The following MTRF1 variants were observed in gnomAD, a reference collection of about 807,000 sequenced individuals.
MTRF1 encodes peptide chain release factor 1, mitochondrial.
Under a neutral mutation model 62.9 loss-of-function variants are expected in MTRF1, and 51 were observed. The ratio of observed to expected loss-of-function variants is 0.81; its 90% confidence interval spans 0.65 to 1.02. MTRF1 has a LOEUF of 1.02. Ranked by LOEUF, MTRF1 falls within the 50% of genes least tolerant of loss-of-function variation. MTRF1 has a pLI of 0.00. For synonymous variants in MTRF1, 158 were observed against 181.9 expected (o/e 0.87, Z 1.06); for missense variants, 446 against 530.0 (o/e 0.84, Z 1.56).
At chr13:41,284,583 T>C in the MTRF1 span, among the ~76,000 whole-genome samples, 2 of 151,260 alleles carry the variant, frequency 1.3e-5, no homozygotes, top group Non-Finnish European at 2.9e-5. Flanking sequence ...TCTGATAATC[T>C]ACAGGATACA....
chr13:41,260,984 AG>A (rs2040388174), intron 1 of MTRF1, 69 bp from the exon 2 acceptor site: 1 of 1,350,088 alleles, frequency 7.4e-7, no homozygotes, highest in South Asian at 1.5e-5. Context: ...TAAACCTGGA[AG>A]GAACATCAAG....
At chr13:41,223,049 AG>A (rs1350323000) in intron 9 of MTRF1, among the ~76,000 whole-genome samples, 1 of 152,226 alleles carries the variant, frequency 6.6e-6, no homozygotes, top group African/African-American at 2.4e-5. Context: ...AATTTAGAAA[AG>A]ACCATTGTTT....
chr13:41,283,772 G>A, the MTRF1 span, among the ~76,000 whole-genome samples: 1 of 151,164 alleles, frequency 6.6e-6, no homozygotes, highest in South Asian at 2.1e-4. Flanking sequence ...TGTATTTTTA[G>A]TAGAGACGGG....
chr13:41,300,027 C>G, the MTRF1 span, among the ~76,000 whole-genome samples: 7 of 152,254 alleles, frequency 4.6e-5, no homozygotes, highest in South Asian at 1.5e-3. Context: ...TTCCAGAGAT[C>G]GTTGTTGACT....
At chr13:41,259,715 A>AC (rs1555268034) in intron 2 of MTRF1, among the ~76,000 whole-genome samples, 2 of 150,378 alleles carry the variant, frequency 1.3e-5, no homozygotes, top group Non-Finnish European at 3.0e-5. Context: ...AAAAAAAAAA[A>AC]AAAAAACATA....
At chr13:41,252,619 A>C (rs1391321640) in intron 5 of MTRF1, 26 bp downstream of exon 5, 9 of 1,543,076 alleles carry the variant, frequency 5.8e-6, no homozygotes, top group Non-Finnish European at 2.7e-6. Flanking sequence ...AGTATCTCCT[A>C]CAGGCAAATT....
the MTRF1 span, among the ~76,000 whole-genome samples, chr13:41,291,108 AC>A: frequency 2.1e-5 from 3 of 142,946 alleles, no homozygotes; most frequent in African/African-American, 7.7e-5. Flanking sequence ...AAAAAAAAAA[AC>A]AGAAAAAAGA....
the MTRF1 span, among the ~76,000 whole-genome samples, chr13:41,284,106 T>C: frequency 7.0e-6 from 1 of 143,872 alleles, no homozygotes; most frequent in East Asian, 2.3e-4. Flanking sequence ...TTCCTATCTG[T>C]AGCCTCCATT....
chr13:41,245,355 C>G (rs2038106547), intron 5 of MTRF1, among the ~76,000 whole-genome samples: 1 of 152,104 alleles, frequency 6.6e-6, no homozygotes, highest in African/African-American at 2.4e-5. Context: ...GCCATCCCAC[C>G]TCAGCCACTG....
the MTRF1 span, among the ~76,000 whole-genome samples, chr13:41,309,661 C>T: frequency 1.3e-5 from 2 of 152,098 alleles, no homozygotes; most frequent in Admixed American, 1.3e-4. Context: ...AAAAAAGACT[C>T]CTATGATTCT....
chr13:41,299,397 C>T, the MTRF1 span, among the ~76,000 whole-genome samples: 1 of 152,118 alleles, frequency 6.6e-6, no homozygotes, highest in Admixed American at 6.5e-5. Context: ...CCGGCTTTTA[C>T]TAATGGATCA....
intron 7 of MTRF1, among the ~76,000 whole-genome samples, chr13:41,232,093 T>A (rs1461526645): frequency 6.6e-6 from 1 of 150,620 alleles, no homozygotes; most frequent in African/African-American, 2.4e-5. Context: ...AAAAGAAAAG[T>A]AAAGCAAGAA....
rs1477185925 is a variant in MTRF1 at position 41,258,722 on chromosome 13, AT to A, written c.415+1770del. Among the ~76,000 whole-genome samples the A allele has an allele frequency of 6.6e-5, 10 of 152,256 alleles. No individual in the cohort carries two copies. The East Asian group carries it at 1.9e-3, about 29-fold the overall frequency. ...AACCTTTGTGCCCTTAGATTAGGCAATTTTCTTAGATACGACTCCCAAAACT... is the reference window on the plus strand; with the variant it reads ...AACCTTTGTGCCCTTAGATTAGGCAATTTCTTAGATACGACTCCCAAAACT... On this transcript the variant is annotated intron_variant, in intron 2 of 9. Coordinates refer to ENST00000379480, the MANE Select transcript of MTRF1 (RefSeq NM_004294.4).
rs943220260 is a variant in MTRF1 at position 41,260,644 on chromosome 13, T to C, written c.264A>G (p.Thr88=). The change falls in exon 2 of 10, where the codon ACA becomes ACG. Residue 88 remains threonine, a synonymous_variant. Transcript: ENST00000379480. ...YMENLSKEYQ[T]LEQCLQHIPV... is the part of the protein sequence containing the mutation. Reference sequence around the variant, plus strand: ...GGATATGCTGCAGACATTGCTCAAGTGTTTGGTACTCCTTACTCAGGTTCT... The same window carrying C: ...GGATATGCTGCAGACATTGCTCAAGCGTTTGGTACTCCTTACTCAGGTTCT... 48 of 1,614,068 alleles carry C rather than the reference T, an allele frequency of 3.0e-5. No homozygotes were observed. Among genetic ancestry groups the C allele is most frequent in the Non-Finnish European group, 4.1e-5 (48 of 1,180,040 alleles).
chr13:41,282,229 T>A, the MTRF1 span, among the ~76,000 whole-genome samples: 1 of 151,132 alleles, frequency 6.6e-6, no homozygotes, highest in East Asian at 1.9e-4. Flanking sequence ...TTGCAGAAGG[T>A]CACAAAACAT....
chr13:41,227,287 C>CA lies in MTRF1; in HGVS notation c.989-720dup, dbSNP rs561062935. ...ACTCCGTTAAAAACAAAAACAAACACAACAACAAAAACCAAAAAAAAAAAA... is the reference window on the plus strand; with the variant it reads ...ACTCCGTTAAAAACAAAAACAAACACAAACAACAAAAACCAAAAAAAAAAAA... On this transcript the variant is annotated intron_variant, in intron 7 of 9. Coordinates refer to ENST00000379480, the MANE Select transcript of MTRF1 (RefSeq NM_004294.4). Among the ~76,000 whole-genome samples, 285 of 148,422 alleles carry CA rather than the reference C, an allele frequency of 1.9e-3. 1 individual carries two copies. The highest frequency in any genetic ancestry group is 2.2e-3 in the Non-Finnish European group (147 of 66,948).
At chr13:41,281,213 G>C in the MTRF1 span, among the ~76,000 whole-genome samples, 1 of 152,078 alleles carries the variant, frequency 6.6e-6, no homozygotes, top group African/African-American at 2.4e-5. Flanking sequence ...TTAATTGCCA[G>C]TTTCACTCCT....
the MTRF1 span, among the ~76,000 whole-genome samples, chr13:41,273,274 C>A: frequency 6.0e-5 from 9 of 150,642 alleles, no homozygotes; most frequent in Non-Finnish European, 1.0e-4. Flanking sequence ...TGCAGTGAGC[C>A]GAGATCGCGC....
At chr13:41,278,906 G>A in the MTRF1 span, among the ~76,000 whole-genome samples, 1 of 152,168 alleles carries the variant, frequency 6.6e-6, no homozygotes, top group African/African-American at 2.4e-5. Flanking sequence ...TGGGAAGGGG[G>A]AGCTGAACAT....
Sources: gnomAD v4.1 joint callset for allele counts (sites outside exome capture counted in the v4.1 genomes callset) on GRCh38, gnomAD v4.1.1 for gene constraint, MANE v1.5 for transcripts, NCBI Gene and HGNC (gene_info 2026-07-23, HGNC 2026-07-21) for gene names.